Variants in CCNC observed in about 807,000 individuals in gnomAD.
CCNC encodes cyclin-C.
CCNC carries 19 observed loss-of-function variants against 50.0 expected under a neutral mutation model. That is an observed-to-expected ratio of 0.38 (90% CI 0.27 to 0.56). CCNC has a LOEUF of 0.56. Among genes scored for constraint, CCNC ranks in the 20% least tolerant of loss-of-function variants. CCNC has a pLI of 0.72. For missense variants in CCNC, 200 were observed against 327.1 expected (o/e 0.61, Z 3.00); for synonymous variants, 93 against 103.7 (o/e 0.90, Z 0.63).
intron 8 of CCNC, 93 bp downstream of exon 8, chr6:99,550,125 T>C: frequency 1.2e-6 from 1 of 863,624 alleles, no homozygotes; most frequent in Non-Finnish European, 1.8e-6. Flanking sequence ...GGGCAATAGT[T>C]TAATGACTTT....
At chr6:99,558,126 G>T (rs1303036272) in intron 5 of CCNC, 1 of 258,754 alleles carries the variant, frequency 3.9e-6, no homozygotes, top group Non-Finnish European at 7.2e-6. Context: ...ACAGGAACGG[G>T]TTTGCACATA....
intron 5 of CCNC, among the ~76,000 whole-genome samples, chr6:99,554,153 T>C (rs1218305649): frequency 2.0e-5 from 3 of 152,074 alleles, no homozygotes; most frequent in Non-Finnish European, 4.4e-5. Flanking sequence ...CTACTGGAAT[T>C]TGTCTGATGT....
intron 4 of CCNC, among the ~76,000 whole-genome samples, chr6:99,560,756 C>T (rs1326851855): frequency 6.6e-6 from 1 of 152,228 alleles, no homozygotes; most frequent in Non-Finnish European, 1.5e-5. Flanking sequence ...CCTAATTTCT[C>T]TACGCTCACA....
At chr6:99,564,815 G>A (rs1283808168) in intron 1 of CCNC, among the ~76,000 whole-genome samples, 1 of 152,036 alleles carries the variant, frequency 6.6e-6, no homozygotes, top group Non-Finnish European at 1.5e-5. Context: ...GTCAGGCATA[G>A]CAAGGCCTTT....
chr6:99,542,422 T>C lies in CCNC; in HGVS notation c.*1133A>G, dbSNP rs184339184. On this transcript the variant is annotated 3_prime_UTR_variant, in exon 12 of 12. Transcript: ENST00000520429. ...GAAGTTACTTTTATTCTTGCAGTTTTATACTAGGAAGTCAACATTTAATAA... is the reference window on the plus strand; with the variant it reads ...GAAGTTACTTTTATTCTTGCAGTTTCATACTAGGAAGTCAACATTTAATAA... 6.6e-6 allele frequency: 1 copy of C among 152,452 alleles called. No homozygotes were observed. The highest frequency in any genetic ancestry group is 1.9e-4 in the East Asian group (1 of 5,192). The allele number at this position is 152,452 out of a possible 1,614,324, so 9.4% of individuals were successfully genotyped here.
At chr6:99,566,594 A>G (rs1769137705) in intron 1 of CCNC, among the ~76,000 whole-genome samples, 1 of 152,072 alleles carries the variant, frequency 6.6e-6, no homozygotes, top group African/African-American at 2.4e-5. Context: ...TTCTACCTCA[A>G]CTACACTGTG....
intron 5 of CCNC, 73 bp from the exon 6 acceptor site, chr6:99,551,968 C>A: frequency 2.8e-6 from 3 of 1,077,732 alleles, no homozygotes; most frequent in Non-Finnish European, 3.8e-6. Flanking sequence ...TTTAACAGAG[C>A]AGAATATTAG....
Position 99,542,708 on chromosome 6 carries a change from T to G in CCNC, c.*847A>C, listed in dbSNP as rs569268020. On this transcript the variant is annotated 3_prime_UTR_variant, in exon 12 of 12. Coordinates refer to ENST00000520429, the MANE Select transcript of CCNC (RefSeq NM_005190.4). ...AGAATACCTGTAGTAAATCTGTAAA[T>G]CCACACCAAGACACAACATTAAACT... 1 of 152,658 alleles carries G rather than the reference T, an allele frequency of 6.6e-6. No individual in the cohort carries two copies. Among genetic ancestry groups the G allele is most frequent in the African/African-American group, 2.4e-5 (1 of 41,558 alleles). The allele number at this position is 152,658 out of a possible 1,614,324, so 9.5% of individuals were successfully genotyped here.
In CCNC at chr6:99,568,620, G is replaced by A; in HGVS notation, c.-93C>T. On this transcript the variant is annotated 5_prime_UTR_variant, in exon 1 of 12. Transcript: ENST00000520429. ...AGCCCGTCCGGTAACCGCGCTCCTC[G>A]ATCAAATCAGCTCGGCTCGACTCCG... 1.9e-6 allele frequency: 3 copies of A among 1,561,822 alleles called. No homozygotes were observed. Among genetic ancestry groups the A allele is most frequent in the South Asian group, 1.2e-5 (1 of 85,122 alleles).
At chr6:99,544,735 AG>A (rs1203636477) in intron 11 of CCNC, among the ~76,000 whole-genome samples, 1 of 137,588 alleles carries the variant, frequency 7.3e-6, no homozygotes, top group Non-Finnish European at 1.5e-5. Flanking sequence ...ACAGGACAAT[AG>A]CCAGCAGTGA....
intron 11 of CCNC, chr6:99,544,267 G>C: frequency 3.3e-6 from 5 of 1,534,730 alleles, no homozygotes; most frequent in Non-Finnish European, 3.5e-6. Flanking sequence ...AATCACTCAG[G>C]GAATTTCTGC....
At chr6:99,566,301 CCTT>C (rs1211883127) in intron 1 of CCNC, among the ~76,000 whole-genome samples, 1 of 151,550 alleles carries the variant, frequency 6.6e-6, no homozygotes, top group Middle Eastern at 3.2e-3. Flanking sequence ...TTTCATGTTT[CCTT>C]CTTAATATTA....
intron 1 of CCNC, among the ~76,000 whole-genome samples, chr6:99,564,551 A>G (rs554067445): frequency 6.6e-6 from 1 of 151,630 alleles, no homozygotes; most frequent in East Asian, 1.9e-4. Context: ...ACATCTTTCC[A>G]TGTCTTTATT....
rs777559400 is a variant in CCNC at position 99,558,567 on chromosome 6, G to A, written c.295-19C>T. On this transcript the variant is annotated intron_variant, in intron 4 of 11. Transcript: ENST00000520429. ...CAAATTCCTAAAGAAAGAAAAGCAG[G>A]TACATGTTAACCCAATGAATCTAAG... 6.3e-6 allele frequency: 10 copies of A among 1,590,752 alleles called. No individual in the cohort carries two copies. The South Asian group carries it at 1.0e-4, about 17-fold the overall frequency.
At chr6:99,559,639 T>A (rs1025832866) in intron 4 of CCNC, among the ~76,000 whole-genome samples, 1 of 117,658 alleles carries the variant, frequency 8.5e-6, no homozygotes, top group Non-Finnish European at 1.7e-5. Flanking sequence ...ACAGAAAGAT[T>A]TGGTCACAGA....
chr6:99,553,021 G>A (rs1303203429), intron 5 of CCNC, among the ~76,000 whole-genome samples: 4 of 146,614 alleles, frequency 2.7e-5, no homozygotes, highest in Non-Finnish European at 4.5e-5. Context: ...CAGTCTGGGT[G>A]ACAGTGAGAC....
At position 99,542,452 on chromosome 6, in the gene CCNC, T is replaced by C. The variant is rs1478986365; in HGVS notation, c.*1103A>G. 6.6e-6 allele frequency: 1 copy of C among 152,466 alleles called. No individual in the cohort carries two copies. The highest frequency in any genetic ancestry group is 1.5e-5 in the Non-Finnish European group (1 of 68,024). The allele number at this position is 152,466 out of a possible 1,614,324, so 9.4% of individuals were successfully genotyped here. On this transcript the variant is annotated 3_prime_UTR_variant, in exon 12 of 12. Coordinates refer to ENST00000520429, the MANE Select transcript of CCNC (RefSeq NM_005190.4). ...TAGGAAGTCAACATTTAATAAGCCA[T>C]CATCCACAATTGATTAAAAATGTTT... is the stretch of plus-strand genomic sequence containing the variant.
intron 2 of CCNC, chr6:99,561,986 A>C (rs995437340): frequency 5.8e-6 from 1 of 173,808 alleles, no homozygotes; most frequent in Non-Finnish European, 1.2e-5. Context: ...AAATATTTTT[A>C]ATGCTTTTCA....
At chr6:99,557,050 T>C (rs1802547771) in intron 5 of CCNC, among the ~76,000 whole-genome samples, 1 of 112,460 alleles carries the variant, frequency 8.9e-6, no homozygotes, top group African/African-American at 2.8e-5. Context: ...ATTCAGTTAA[T>C]CTAACTCATG....
Sources: gnomAD v4.1 joint callset for allele counts (sites outside exome capture counted in the v4.1 genomes callset) on GRCh38, gnomAD v4.1.1 for gene constraint, MANE v1.5 for transcripts, NCBI Gene and HGNC (gene_info 2026-07-23, HGNC 2026-07-21) for gene names.